FAM168A: variants seen among roughly 807,000 people sequenced by gnomAD.
The protein encoded by FAM168A is protein FAM168A.
In FAM168A, 3 loss-of-function variants were observed where a neutral mutation model predicts 28.5. The observed-to-expected ratio is 0.11, with a 90% CI of 0.05 to 0.27. The LOEUF is 0.27. Among genes scored for constraint, FAM168A ranks in the 10% least tolerant of loss-of-function variants. The pLI is 1.00. For synonymous variants in FAM168A, 122 were observed against 124.2 expected (o/e 0.98, Z 0.12); for missense variants, 222 against 311.5 (o/e 0.71, Z 2.16).
At chr11:73,597,366 C>T (rs570058307) in intron 1 of FAM168A, among the ~76,000 whole-genome samples, 4 of 152,146 alleles carry the variant, frequency 2.6e-5, no homozygotes, top group East Asian at 1.9e-4. Flanking sequence ...AAGCCCCTCA[C>T]CCCCAACTCC....
intron 1 of FAM168A, among the ~76,000 whole-genome samples, chr11:73,551,284 G>C (rs1943826131): frequency 6.6e-6 from 1 of 152,200 alleles, no homozygotes; most frequent in Non-Finnish European, 1.5e-5. Flanking sequence ...AGCTCAGGAA[G>C]AAGCAGTAGG....
intron 1 of FAM168A, among the ~76,000 whole-genome samples, chr11:73,594,289 C>T (rs61901445): frequency 0.028 from 4,256 of 149,492 alleles, 124 homozygotes; most frequent in Non-Finnish European, 0.04. Context: ...TTTGTGGAGA[C>T]GGGTCTCCCT....
Position 73,411,516 on chromosome 11 carries a change from A to T in FAM168A, c.298T>A (p.Tyr100Asn). 1.2e-6 allele frequency: 2 copies of T among 1,614,028 alleles called. No individual in the cohort carries two copies. The highest frequency in any genetic ancestry group is 1.7e-6 in the Non-Finnish European group (2 of 1,179,968). ...AAFRYTAGTPYKVPPTQSNTA... is the reference protein window; with the variant it reads ...AAFRYTAGTPNKVPPTQSNTA... ...TTACTCTGGGTCGGTGGGACCTTGT[A>T]TGGTGTCCCCGCAGTATATCCTGTA... The change falls in exon 5 of 8, where the codon TAC becomes AAC. Residue 100 changes from tyrosine to asparagine, a missense_variant. Tyr to Asn is a moderately radical substitution (Grantham distance 143). Transcript: ENST00000356467.
At chr11:73,507,939 C>G (rs965615463) in intron 1 of FAM168A, among the ~76,000 whole-genome samples, 1 of 151,762 alleles carries the variant, frequency 6.6e-6, no homozygotes, top group Non-Finnish European at 1.5e-5. Flanking sequence ...CTGGGTATAC[C>G]GAGGGACAAC....
At chr11:73,564,912 A>T (rs1944004679) in intron 1 of FAM168A, among the ~76,000 whole-genome samples, 1 of 152,102 alleles carries the variant, frequency 6.6e-6, no homozygotes, top group Admixed American at 6.5e-5. Context: ...AAGTCTTCAA[A>T]GAGGTGGTAC....
chr11:73,468,442 C>G lies in FAM168A; in HGVS notation c.33G>C (p.Gly11=). MNPVYSPVQP[G]APYGNPKNMA... is the part of the protein sequence containing the mutation. The stretch of plus-strand genomic sequence containing the variant: ...TGTTCTTAGGGTTGCCATAAGGAGC[C>G]CCAGGCTGCACGGGGCTGTAAACAG... Residue 11 remains glycine (G), a synonymous_variant, in exon 2 of 8, where the codon GGG becomes GGC. Coordinates refer to ENST00000356467, the MANE Select transcript of FAM168A (RefSeq NM_015159.3). The G allele has an allele frequency of 6.2e-7, 1 of 1,614,076 alleles. No homozygotes were observed. The highest frequency in any genetic ancestry group is 8.5e-7 in the Non-Finnish European group (1 of 1,179,984).
At position 73,459,355 on chromosome 11, in the gene FAM168A, A is replaced by G. The variant is rs558509824; in HGVS notation, c.70+9050T>C. On this transcript the variant is annotated intron_variant, in intron 2 of 7. Coordinates refer to ENST00000356467, the MANE Select transcript of FAM168A (RefSeq NM_015159.3). ...AAAAAAATTAGCCGGGCGTGGTGGC[A>G]TGCGCCTATAGTCTCAGCTACTCGG... Among the ~76,000 whole-genome samples the G allele has an allele frequency of 2.3e-3, 345 of 151,922 alleles. 3 individuals carry two copies. Among genetic ancestry groups the G allele is most frequent in the Non-Finnish European group, 1.9e-3 (128 of 67,956 alleles).
chr11:73,437,331 C>T (rs1565243904), intron 2 of FAM168A, among the ~76,000 whole-genome samples: 5 of 151,072 alleles, frequency 3.3e-5, no homozygotes, highest in East Asian at 2.0e-4. Flanking sequence ...CTCTTGACCT[C>T]GTGATCCACC....
chr11:73,500,779 A>G (rs775505010), intron 1 of FAM168A, among the ~76,000 whole-genome samples: 1 of 152,228 alleles, frequency 6.6e-6, no homozygotes, highest in Non-Finnish European at 1.5e-5. Context: ...AACTGCATCA[A>G]CTAGTATGCA....
intron 1 of FAM168A, among the ~76,000 whole-genome samples, chr11:73,593,539 CT>C (rs1944407377): frequency 6.6e-6 from 1 of 152,124 alleles, no homozygotes; most frequent in African/African-American, 2.4e-5. Context: ...ATTTAAAGAA[CT>C]GTTTAAAGTT....
Position 73,476,432 on chromosome 11 carries a change from A to G in FAM168A, c.-18-7940T>C, listed in dbSNP as rs576459384. Reference sequence around the variant, plus strand: ...AAGTCACTAAACAAAAAATCCCAGCAACAACAACCTCCTGATGGTGGGGTG... The same window carrying G: ...AAGTCACTAAACAAAAAATCCCAGCGACAACAACCTCCTGATGGTGGGGTG... On this transcript the variant is annotated intron_variant, in intron 1 of 7. Coordinates refer to ENST00000356467, the MANE Select transcript of FAM168A (RefSeq NM_015159.3). 1.2e-3 allele frequency among the ~76,000 whole-genome samples: 176 copies of G among 142,836 alleles called. 1 individual carries two copies. The highest frequency in any genetic ancestry group is 4.3e-3 in the African/African-American group (170 of 39,136). The allele number at this position is 142,836 out of a possible 152,430, so 93.7% of individuals were successfully genotyped here. A position where few individuals can be genotyped will look rare whatever the true frequency, so the allele number is the denominator to read the frequency against.
chr11:73,488,249 G>C (rs1204057016), intron 1 of FAM168A, among the ~76,000 whole-genome samples: 2 of 151,612 alleles, frequency 1.3e-5, no homozygotes, highest in African/African-American at 4.8e-5. Context: ...TCCTGTCTCA[G>C]CCTCCCAAGT....
intron 6 of FAM168A, among the ~76,000 whole-genome samples, chr11:73,408,030 C>A (rs1362571326): frequency 6.6e-6 from 1 of 152,214 alleles, no homozygotes; most frequent in Non-Finnish European, 1.5e-5. Flanking sequence ...CATCACCACA[C>A]TCGGCTGATT....
chr11:73,556,483 C>CA (rs2134698431), intron 1 of FAM168A, among the ~76,000 whole-genome samples: 1 of 151,594 alleles, frequency 6.6e-6, no homozygotes, highest in East Asian at 1.9e-4. Flanking sequence ...ATGAGGTACT[C>CA]AGAGTCATCA....
At chr11:73,497,469 C>A (rs766359696) in intron 1 of FAM168A, among the ~76,000 whole-genome samples, 1 of 151,752 alleles carries the variant, frequency 6.6e-6, no homozygotes, top group Non-Finnish European at 1.5e-5. Flanking sequence ...AAAAAAAAGA[C>A]ATACTGTCCA....
intron 2 of FAM168A, among the ~76,000 whole-genome samples, chr11:73,434,247 T>C (rs1867049914): frequency 6.6e-6 from 1 of 152,136 alleles, no homozygotes; most frequent in Non-Finnish European, 1.5e-5. Flanking sequence ...AAAACAAAGA[T>C]TCCTGCCCTT....
chr11:73,483,174 G>C (rs1357132413), intron 1 of FAM168A, among the ~76,000 whole-genome samples: 1 of 152,166 alleles, frequency 6.6e-6, no homozygotes, highest in Non-Finnish European at 1.5e-5. Flanking sequence ...TATATGTTCT[G>C]CCTGAGCACA....
At position 73,550,902 on chromosome 11, in the gene FAM168A, T is replaced by C. The variant is rs142636283; in HGVS notation, c.-19+47021A>G. Reference sequence around the variant, plus strand: ...GGCAGGCAGATCACAAGTCAGGAGATCAAGACCATCCTGGCTAACATGGTG... The same window carrying C: ...GGCAGGCAGATCACAAGTCAGGAGACCAAGACCATCCTGGCTAACATGGTG... On this transcript the variant is annotated intron_variant, in intron 1 of 7. Transcript: ENST00000356467. 8.0e-3 allele frequency among the ~76,000 whole-genome samples: 1,218 copies of C among 151,874 alleles called. 64 individuals carry two copies. Among genetic ancestry groups the C allele is most frequent in the Admixed American group, 0.069 (1,057 of 15,256 alleles).
chr11:73,430,603 G>T, intron 3 of FAM168A, 87 bp downstream of exon 3: 1 of 1,282,636 alleles, frequency 7.8e-7, no homozygotes, highest in Non-Finnish European at 1.1e-6. Context: ...ATTAAGAACA[G>T]GAAAAGGCCA....
Sources: allele counts gnomAD v4.1 joint callset (sites outside exome capture counted in the v4.1 genomes callset), GRCh38; gene constraint gnomAD v4.1.1; transcripts MANE v1.5; gene names NCBI Gene and HGNC (gene_info 2026-07-23, HGNC 2026-07-21).